The following PCDH17 variants were observed in gnomAD, a reference collection of about 807,000 sequenced individuals.
The protein encoded by PCDH17 is protocadherin 17.
In PCDH17, 21 loss-of-function variants were observed where a neutral mutation model predicts 67.7. The observed-to-expected ratio is 0.31, with a 90% CI of 0.22 to 0.45. PCDH17 has a LOEUF of 0.45. Among genes scored for constraint, PCDH17 ranks in the 20% least tolerant of loss-of-function variants. PCDH17 has a pLI of 1.00. For missense variants in PCDH17, 1,471 were observed against 1,564.8 expected, an observed-to-expected ratio of 0.94 and a Z score of 1.01; for synonymous variants, 701 against 656.7, an observed-to-expected ratio of 1.07 and a Z score of -1.03.
At chr13:57,655,616 A>T (rs1955092770) in intron 1 of PCDH17, among the ~76,000 whole-genome samples, 1 of 152,098 alleles carries the variant, frequency 6.6e-6, no homozygotes, top group Admixed American at 6.6e-5. Flanking sequence ...GTAAGTAATC[A>T]TATGATTAAA....
chr13:57,636,888 T>C (rs1403420118), intron 1 of PCDH17, among the ~76,000 whole-genome samples: 2 of 152,156 alleles, frequency 1.3e-5, no homozygotes, highest in East Asian at 3.9e-4. Flanking sequence ...AATTTTCATT[T>C]AGTTTCCAGT....
chr13:57,661,570 ATT>A (rs1555284378), intron 1 of PCDH17, among the ~76,000 whole-genome samples: 1 of 152,074 alleles, frequency 6.6e-6, no homozygotes, highest in Non-Finnish European at 1.5e-5. Flanking sequence ...TCTACTGAAT[ATT>A]TTTAGTTTTA....
At chr13:57,689,886 T>G (rs893746217) in intron 3 of PCDH17, among the ~76,000 whole-genome samples, 4 of 151,898 alleles carry the variant, frequency 2.6e-5, no homozygotes, top group African/African-American at 9.7e-5. Flanking sequence ...TATAATAGGC[T>G]ATTCTAATTA....
At position 57,682,923 on chromosome 13, in the gene PCDH17, AG is replaced by A. The variant is rs545349309; in HGVS notation, c.2797+16091del. ...GATACAACATTTAATGACTATTCAA[AG>A]AACAGAATTATGTACACTTATCTAA... On this transcript the variant is annotated intron_variant, in intron 3 of 3. Coordinates refer to ENST00000377918, the MANE Select transcript of PCDH17 (RefSeq NM_001040429.3). Among the ~76,000 whole-genome samples, 94 of 152,016 alleles carry A rather than the reference AG, an allele frequency of 6.2e-4. 1 individual carries two copies. The highest frequency in any genetic ancestry group is 2.2e-3 in the African/African-American group (90 of 41,540).
chr13:57,722,169 A>G (rs1955877018), intron 3 of PCDH17, among the ~76,000 whole-genome samples: 2 of 152,162 alleles, frequency 1.3e-5, no homozygotes, highest in African/African-American at 4.8e-5. Context: ...CAATCATTTT[A>G]TGTTGGTGGT....
In PCDH17 at chr13:57,726,145, A is replaced by C. The variant is rs190698601; in HGVS notation, c.*851A>C. The C allele has an allele frequency of 6.5e-5, 10 of 152,754 alleles. No individual in the cohort carries two copies. The highest frequency in any genetic ancestry group is 2.4e-4 in the African/African-American group (10 of 41,572). 9.5% of individuals were successfully genotyped at this position (152,754 alleles called of 1,614,324 possible). A position where few individuals can be genotyped will look rare whatever the true frequency, so the allele number is the denominator to read the frequency against. On this transcript the variant is annotated 3_prime_UTR_variant, in exon 4 of 4. Transcript: ENST00000377918. ...AGAAAAGTTCTAAAAAATAGTTACC[A>C]TTGAGTGGTAAGATTCAGAGAAAAT...
At chr13:57,652,284 C>CAAAAAAA (rs11435613) in intron 1 of PCDH17, among the ~76,000 whole-genome samples, 2 of 117,214 alleles carry the variant, frequency 1.7e-5, no homozygotes, top group Non-Finnish European at 3.4e-5. Flanking sequence ...GACTCCGTCT[C>CAAAAAAA]AAAAAAAAAA....
chr13:57,660,405 A>G (rs1219739780), intron 1 of PCDH17, among the ~76,000 whole-genome samples: 20 of 152,166 alleles, frequency 1.3e-4, no homozygotes. Context: ...TTTAAAAGAC[A>G]AGTTCAGAAA....
chr13:57,666,463 CACAG>C lies in PCDH17; in HGVS notation c.2569_2572del. The C allele has an allele frequency of 4.3e-6, 7 of 1,612,696 alleles. No homozygotes were observed. The highest frequency in any genetic ancestry group is 1.7e-5 in the Admixed American group (1 of 59,928). On this transcript the variant is annotated splice_acceptor_variant and splice_polypyrimidine_tract_variant and intron_variant, in intron 1 of 3. Transcript: ENST00000377918. LOFTEE classifies it high-confidence loss of function. ...TATACGTATTTTTTTCCTTCTCTTT[CACAG>C]ACAGACAATTTTCCCGCAGAGCCCA...
Position 57,634,966 on chromosome 13 carries a change from G to C in PCDH17, c.2420G>C (p.Ser807Thr), listed in dbSNP as rs1472541385. 6.2e-7 allele frequency: 1 copy of C among 1,613,858 alleles called. No individual in the cohort carries two copies. The change falls in exon 1 of 4, where the codon AGC (serine) becomes ACC (threonine). Residue 807 changes from serine to threonine, a missense_variant. Ser to Thr is a moderately conservative substitution (Grantham distance 58, BLOSUM62 1). This residue lies in a region of PCDH17 where 1,163 missense variants were observed against 1,230.0 expected (regional missense o/e 0.95). Coordinates refer to ENST00000377918, the MANE Select transcript of PCDH17 (RefSeq NM_001040429.3). The surrounding 1 kb of genome is among the most constrained non-coding windows in gnomAD (Gnocchi z 7.8). The stretch of plus-strand genomic sequence containing the variant: ...GACTACCAGACCCGCCTGCCCCTCA[G>C]CTCGCCCCGGTCGGAGGTGATGTAT... ...YFDYQTRLPL[S>T]SPRSEVMYLK...
Position 57,632,770 on chromosome 13 carries a change from T to G in PCDH17, c.224T>G (p.Leu75Arg), listed in dbSNP as rs537497359. 1 of 1,613,046 alleles carries G rather than the reference T, an allele frequency of 6.2e-7. No homozygotes were observed. Among genetic ancestry groups the G allele is most frequent in the African/African-American group, 1.3e-5 (1 of 75,016 alleles). The change falls in exon 1 of 4, where the codon CTG becomes CGG. Residue 75 changes from leucine to arginine, a missense_variant. Physicochemically the swap from Leu to Arg is moderately radical, Grantham distance 102. Coordinates refer to ENST00000377918, the MANE Select transcript of PCDH17 (RefSeq NM_001040429.3). ...CTGGAGAACTCCGCACCGCACCTGC[T>G]GGACGTGGACGCAGACAGCGGGCTC... The part of the protein sequence containing the change: ...RVLENSAPHL[L>R]DVDADSGLLY...
chr13:57,661,602 T>C (rs993207259), intron 1 of PCDH17, among the ~76,000 whole-genome samples: 1 of 152,160 alleles, frequency 6.6e-6, no homozygotes, highest in Non-Finnish European at 1.5e-5. Flanking sequence ...TTTAGGTCTA[T>C]GTTCCATGTT....
Position 57,710,889 on chromosome 13 carries a change from C to T in PCDH17, c.2798-13723C>T, listed in dbSNP as rs143092903. ...TAAAAATAGAACAGCTTTAAACAGA[C>T]AAGGTTATAGTTGGGAAAGTTATAC... On this transcript the variant is annotated intron_variant, in intron 3 of 3. Transcript: ENST00000377918. Among the ~76,000 whole-genome samples the T allele has an allele frequency of 6.1e-3, 933 of 151,966 alleles. 9 individuals carry two copies. The highest frequency in any genetic ancestry group is 0.024 in the South Asian group (118 of 4,818).
chr13:57,645,486 G>A (rs904749261), intron 1 of PCDH17, among the ~76,000 whole-genome samples: 16 of 151,684 alleles, frequency 1.1e-4, no homozygotes, highest in African/African-American at 2.9e-4. Context: ...ATGCTAAAAT[G>A]TTGATCTGCT....
At chr13:57,665,242 C>G (rs1218155594) in intron 1 of PCDH17, among the ~76,000 whole-genome samples, 2 of 112,596 alleles carry the variant, frequency 1.8e-5, no homozygotes, top group Non-Finnish European at 3.6e-5. Context: ...TTAATGATAT[C>G]AAATAAACTA....
chr13:57,728,993 T>C lies in PCDH17; in HGVS notation c.*3699T>C, dbSNP rs1329664224. ...AGTCATAATAGTCTAATTATATTCT[T>C]TTGACAACAGACAGCATTCATCAGA... On this transcript the variant is annotated 3_prime_UTR_variant, in exon 4 of 4. Transcript: ENST00000377918. 3 of 152,188 alleles carry C rather than the reference T, an allele frequency of 2.0e-5. No individual in the cohort carries two copies. The highest frequency in any genetic ancestry group is 7.2e-5 in the African/African-American group (3 of 41,428). 9.4% of individuals were successfully genotyped at this position (152,188 alleles called of 1,614,324 possible).
At position 57,724,741 on chromosome 13, in the gene PCDH17, C is replaced by G; in HGVS notation, c.2927C>G (p.Pro976Arg). The change falls in exon 4 of 4, where the codon CCT (proline) becomes CGT (arginine). Residue 976 changes from proline (P) to arginine (R), a missense_variant. Around this residue, in one of 3 missense-constraint regions of PCDH17, gnomAD observed 297 missense variants for 298.6 expected, o/e 0.99. Coordinates refer to ENST00000377918, the MANE Select transcript of PCDH17 (RefSeq NM_001040429.3). The stretch of plus-strand genomic sequence containing the variant: ...GATTACCGCACAAATCTCTTTGTAC[C>G]TACAGTTGAAGCTAATGTTGAGACT... ...NADYRTNLFV[P>R]TVEANVETET... 6.2e-7 allele frequency: 1 copy of G among 1,614,102 alleles called. No individual in the cohort carries two copies. Among genetic ancestry groups the G allele is most frequent in the South Asian group, 1.1e-5 (1 of 91,088 alleles).
intron 3 of PCDH17, among the ~76,000 whole-genome samples, chr13:57,676,254 G>T (rs536809387): frequency 2.6e-5 from 4 of 151,812 alleles, no homozygotes; most frequent in Non-Finnish European, 5.9e-5. Flanking sequence ...CAGTTAACCA[G>T]ATCTTTGAGA....
chr13:57,678,810 A>T (rs1243891728), intron 3 of PCDH17, among the ~76,000 whole-genome samples: 1 of 151,664 alleles, frequency 6.6e-6, no homozygotes, highest in Non-Finnish European at 1.5e-5. Context: ...AACATGTTAA[A>T]ATTAATTTTT....
Sources: gnomAD v4.1 joint callset for allele counts (sites outside exome capture counted in the v4.1 genomes callset) on GRCh38, gnomAD v4.1.1 for gene constraint, gnomAD v4.1.1 regional missense constraint, Gnocchi (gnomAD v3.1) non-coding constraint, MANE v1.5 for transcripts, NCBI Gene and HGNC (gene_info 2026-07-23, HGNC 2026-07-21) for gene names.